The following ADPRH variants were observed in gnomAD, a reference collection of about 807,000 sequenced individuals.
ADPRH encodes the protein ADP-ribosylarginine hydrolase, also known as ADP-ribose-L-arginine cleaving enzyme.
In ADPRH, 27 loss-of-function variants were observed where a neutral mutation model predicts 28.8. The ratio of observed to expected loss-of-function variants is 0.94; its 90% CI spans 0.69 to 1.29. The LOEUF is 1.29. Among genes scored for constraint, ADPRH ranks in the 50% most tolerant of loss-of-function variants. The pLI, the probability that ADPRH is intolerant of heterozygous loss-of-function variation, is 0.00. For synonymous variants in ADPRH, 161 were observed against 166.9 expected (o/e 0.96, Z 0.27); for missense variants, 419 against 444.8 (o/e 0.94, Z 0.52).
chr3:119,586,398 A>T lies in ADPRH; in HGVS notation c.412A>T (p.Ile138Phe). The T allele has an allele frequency of 6.2e-7, 1 of 1,614,248 alleles. No homozygotes were observed. The highest frequency in any genetic ancestry group is 8.5e-7 in the Non-Finnish European group (1 of 1,180,044). Residue 138 changes from isoleucine (I) to phenylalanine (F), a missense_variant, in exon 4 of 5, where the codon ATC (isoleucine) becomes TTC (phenylalanine). Coordinates refer to ENST00000357003, the MANE Select transcript of ADPRH (RefSeq NM_001125.4). Reference sequence around the variant, plus strand: ...TGGGGCTGCCATGCGGGCCATGTGCATCGGTCTCAGGTTCCCACACCATAG... The same window carrying T: ...TGGGGCTGCCATGCGGGCCATGTGCTTCGGTCTCAGGTTCCCACACCATAG... Reference protein sequence around the residue: ...GCGAAMRAMCIGLRFPHHSQL... With the variant: ...GCGAAMRAMCFGLRFPHHSQL...
At chr3:119,583,628 G>A (rs1156286826) in intron 3 of ADPRH, among the ~76,000 whole-genome samples, 3 of 152,068 alleles carry the variant, frequency 2.0e-5, no homozygotes, top group African/African-American at 7.2e-5. Flanking sequence ...ATAGATCTGT[G>A]GGGCCAAGTG....
intron 4 of ADPRH, 49 bp downstream of exon 4, chr3:119,586,694 T>C (rs2082465205): frequency 6.3e-7 from 1 of 1,596,426 alleles, no homozygotes; most frequent in African/African-American, 1.4e-5. Context: ...AATCTGTGCG[T>C]GTACATCCAC....
intron 4 of ADPRH, 28 bp from the exon 5 acceptor site, chr3:119,587,436 T>C (rs2082472134): frequency 6.8e-7 from 1 of 1,478,664 alleles, no homozygotes; most frequent in Non-Finnish European, 9.0e-7. Flanking sequence ...TTTTTTTCAA[T>C]TGACTCTAGA....
At chr3:119,582,032 C>T (rs765217436) in intron 2 of ADPRH, 102 bp from the exon 3 acceptor site, 1 of 872,616 alleles carries the variant, frequency 1.1e-6, no homozygotes, top group South Asian at 1.8e-5. Flanking sequence ...GATACAATGT[C>T]TGCAAGTAGT....
intron 3 of ADPRH, among the ~76,000 whole-genome samples, chr3:119,584,845 T>C (rs2082442987): frequency 6.6e-6 from 1 of 152,230 alleles, no homozygotes; most frequent in African/African-American, 2.4e-5. Context: ...GCCTCTCTCC[T>C]TGGCTTGCAG....
chr3:119,588,897 AG>A lies in ADPRH; in HGVS notation c.*1020del, dbSNP rs1692287694. On this transcript the variant is annotated 3_prime_UTR_variant, in exon 5 of 5. Transcript: ENST00000357003. The stretch of plus-strand genomic sequence containing the variant: ...AATAGGCATTAATCAGTATCTATTG[AG>A]TGTTATGAACTAGCCTCCTAGCTCG... 6.6e-6 allele frequency: 1 copy of A among 152,258 alleles called. No individual in the cohort carries two copies. The highest frequency in any genetic ancestry group is 1.5e-5 in the Non-Finnish European group (1 of 68,058). The allele number at this position is 152,258 out of a possible 1,614,324, so 9.4% of individuals were successfully genotyped here.
chr3:119,584,203 C>A (rs1430519481), intron 3 of ADPRH, among the ~76,000 whole-genome samples: 1 of 151,584 alleles, frequency 6.6e-6, no homozygotes, highest in Non-Finnish European at 1.5e-5. Context: ...TTTATTTTTA[C>A]TTACTTGTAT....
rs1334611593 is a variant in ADPRH, at chr3:119,582,388, C to A, written c.219C>A (p.Ala73=). 6.2e-7 allele frequency: 1 copy of A among 1,614,130 alleles called. No homozygotes were observed. Among genetic ancestry groups the A allele is most frequent in the Non-Finnish European group, 8.5e-7 (1 of 1,180,014 alleles). Residue 73 remains alanine, a synonymous_variant, in exon 3 of 5, where the codon GCC becomes GCA. Coordinates refer to ENST00000357003, the MANE Select transcript of ADPRH (RefSeq NM_001125.4). The part of the protein sequence containing the change: ...TAEALVEAGK[A]PKLTQLYYLL... ...AAGCTCTTGTGGAAGCTGGGAAAGC[C>A]CCTAAGTTGACTCAACTGTATTACC... is the stretch of plus-strand genomic sequence containing the variant.
intron 2 of ADPRH, among the ~76,000 whole-genome samples, chr3:119,581,288 G>A (rs1165402459): frequency 2.0e-5 from 3 of 152,034 alleles, no homozygotes; most frequent in African/African-American, 4.8e-5. Flanking sequence ...GGCTGGTCTC[G>A]ATCTCCTGAC....
At chr3:119,583,421 G>A (rs1560067267) in intron 3 of ADPRH, among the ~76,000 whole-genome samples, 1 of 152,036 alleles carries the variant, frequency 6.6e-6, no homozygotes, top group African/African-American at 2.4e-5. Flanking sequence ...ATGCTAATTA[G>A]CCTGATCATC....
In ADPRH at chr3:119,588,873, A is replaced by G. The variant is rs565854876; in HGVS notation, c.*995A>G. ...ACCTAGCACAGTGCTTGGGCAGCCA[A>G]TAGGCATTAATCAGTATCTATTGAG... is the stretch of plus-strand genomic sequence containing the variant. On this transcript the variant is annotated 3_prime_UTR_variant, in exon 5 of 5. Transcript: ENST00000357003. 4 of 152,360 alleles carry G rather than the reference A, an allele frequency of 2.6e-5. No homozygotes were observed. In the East Asian group the frequency reaches 7.7e-4, roughly 29 times the overall value. The allele number at this position is 152,360 out of a possible 1,614,324, so 9.4% of individuals were successfully genotyped here. A position where few individuals can be genotyped will look rare whatever the true frequency, so the allele number is the denominator to read the frequency against.
chr3:119,582,049 T>G, intron 2 of ADPRH, 85 bp from the exon 3 acceptor site: 2 of 1,059,494 alleles, frequency 1.9e-6, no homozygotes, highest in Admixed American at 4.9e-5. Context: ...TAGTGAGTGC[T>G]CAATAAAACA....
chr3:119,586,616 C>G lies in ADPRH; in HGVS notation c.630C>G (p.Gly210=). Reference sequence around the variant, plus strand: ...CTAAAAAGTACATTGTCCAATCAGGCTACTTTGTAGAGGAAAATCTTCAAC... The same window carrying G: ...CTAAAAAGTACATTGTCCAATCAGGGTACTTTGTAGAGGAAAATCTTCAAC... ...PEAKKYIVQS[G]YFVEENLQHW... is the part of the protein sequence containing the mutation. Residue 210 remains glycine (G), a synonymous_variant, in exon 4 of 5, where the codon GGC becomes GGG. Coordinates refer to ENST00000357003, the MANE Select transcript of ADPRH (RefSeq NM_001125.4). 6.2e-7 allele frequency: 1 copy of G among 1,614,020 alleles called. No individual in the cohort carries two copies. The highest frequency in any genetic ancestry group is 8.5e-7 in the Non-Finnish European group (1 of 1,179,996).
rs758893027 is a variant in ADPRH, at chr3:119,586,480, AC to A, written c.497del (p.Pro166GlnfsTer18). The A allele has an allele frequency of 3.1e-6, 5 of 1,614,134 alleles. No homozygotes were observed. In the South Asian group the frequency reaches 5.5e-5, roughly 18 times the overall value. ...GAGAGTGGTCGGATGACCCACCACC[AC>A]CCAACAGGCTACCTGGGGGCCCTTG... ...SIESGRMTHH[H>X]PTGYLGALAS... On this transcript the variant is annotated frameshift_variant, in exon 4 of 5. Coordinates refer to ENST00000357003, the MANE Select transcript of ADPRH (RefSeq NM_001125.4). LOFTEE classifies it high-confidence loss of function.
In ADPRH at chr3:119,586,464, C is replaced by T. The variant is rs780404094; in HGVS notation, c.478C>T (p.Arg160Trp). Residue 160 changes from arginine (R) to tryptophan (W), a missense_variant, in exon 4 of 5, where the codon CGG becomes TGG. Coordinates refer to ENST00000357003, the MANE Select transcript of ADPRH (RefSeq NM_001125.4). ...TLIQVSIESG[R>W]MTHHHPTGYL... is the part of the protein sequence containing the mutation. ...GATCCAAGTGAGCATCGAGAGTGGTCGGATGACCCACCACCACCCAACAGG... is the reference window on the plus strand; with the variant it reads ...GATCCAAGTGAGCATCGAGAGTGGTTGGATGACCCACCACCACCCAACAGG... 4.3e-5 allele frequency: 70 copies of T among 1,614,072 alleles called. No homozygotes were observed. The highest frequency in any genetic ancestry group is 5.6e-5 in the Non-Finnish European group (66 of 1,180,050).
chr3:119,585,798 C>T (rs943868684), intron 3 of ADPRH, among the ~76,000 whole-genome samples: 3 of 152,160 alleles, frequency 2.0e-5, no homozygotes, highest in African/African-American at 7.2e-5. Flanking sequence ...ATCTGCCTGC[C>T]TCCACCTCCC....
At chr3:119,586,698 C>G (rs971131338) in intron 4 of ADPRH, 53 bp downstream of exon 4, 2 of 1,592,886 alleles carry the variant, frequency 1.3e-6, no homozygotes, top group African/African-American at 2.7e-5. Flanking sequence ...TGTGCGTGTA[C>G]ATCCACCTGC....
intron 3 of ADPRH, among the ~76,000 whole-genome samples, chr3:119,584,207 C>CT (rs201248768): frequency 0.031 from 4,719 of 152,038 alleles, 109 homozygotes; most frequent in Middle Eastern, 0.078. Context: ...TTTTTACTTA[C>CT]TTGTATTTCT....
chr3:119,580,183 G>A (rs2082393426), intron 1 of ADPRH: 1 of 152,230 alleles, frequency 6.6e-6, no homozygotes, highest in Non-Finnish European at 1.5e-5. Context: ...GCACACATTA[G>A]GGTGGAGCCA....
Sources: gnomAD v4.1 joint callset for allele counts (sites outside exome capture counted in the v4.1 genomes callset) on GRCh38, gnomAD v4.1.1 for gene constraint, MANE v1.5 for transcripts, NCBI Gene and HGNC (gene_info 2026-07-23, HGNC 2026-07-21) for gene names.